CDK13: variants seen among roughly 807,000 people sequenced by gnomAD.
The protein encoded by CDK13 is cyclin dependent kinase 13.
A neutral mutation model predicts 137.6 loss-of-function variants in CDK13; 40 were observed. That is an observed-to-expected ratio of 0.29 (90% CI 0.23 to 0.38). The LOEUF (loss-of-function observed/expected upper bound fraction) is 0.38, where lower values mean the gene tolerates loss of function less well. Among genes scored for constraint, CDK13 ranks in the 10% least tolerant of loss-of-function variants. The pLI is 1.00. For missense variants in CDK13, 1,704 were observed against 1,951.8 expected (o/e 0.87, Z 2.39); for synonymous variants, 869 against 760.1 (o/e 1.14, Z -2.36).
At chr7:40,047,215 G>A (rs543593755) in intron 6 of CDK13, among the ~76,000 whole-genome samples, 1 of 152,100 alleles carries the variant, frequency 6.6e-6, no homozygotes, top group African/African-American at 2.4e-5. Context: ...TCTTGGAAGT[G>A]TGTACACACA....
At position 39,992,166 on chromosome 7, in the gene CDK13, GTGTGT is replaced by G. The variant is rs1562716903; in HGVS notation, c.1871+3909_1871+3913del. 2.7e-3 allele frequency among the ~76,000 whole-genome samples: 126 copies of G among 47,178 alleles called. 1 individual carries two copies. The highest frequency in any genetic ancestry group is 6.1e-3 in the Admixed American group (32 of 5,242). 31.0% of individuals were successfully genotyped at this position (47,178 alleles called of 152,430 possible). A position where few individuals can be genotyped will look rare whatever the true frequency, so the allele number is the denominator to read the frequency against. On this transcript the variant is annotated intron_variant, in intron 2 of 13. Coordinates refer to ENST00000181839, the MANE Select transcript of CDK13 (RefSeq NM_003718.5). Reference sequence around the variant, plus strand: ...GTTGTTTAAGAGAACTAATGAGGGTGTGTGTGTGTGTGTGTGTGTGTGTGTGTGTG... The same window carrying G: ...GTTGTTTAAGAGAACTAATGAGGGTGGTGTGTGTGTGTGTGTGTGTGTGTG...
intron 7 of CDK13, among the ~76,000 whole-genome samples, chr7:40,054,991 G>A (rs1019739302): frequency 6.6e-6 from 1 of 152,020 alleles, no homozygotes; most frequent in African/African-American, 2.4e-5. Context: ...GTCCAGCCTG[G>A]GCAACATAGT....
At chr7:40,041,686 C>T (rs1212562660) in intron 5 of CDK13, among the ~76,000 whole-genome samples, 1 of 152,168 alleles carries the variant, frequency 6.6e-6, no homozygotes, top group East Asian at 1.9e-4. Flanking sequence ...TAAATAACAG[C>T]AGAGATAGCG....
intron 2 of CDK13, among the ~76,000 whole-genome samples, chr7:39,988,911 G>A (rs963391461): frequency 1.3e-5 from 2 of 151,248 alleles, no homozygotes; most frequent in Non-Finnish European, 2.9e-5. Context: ...GTGAAACCCC[G>A]TCTCTACTAA....
At chr7:40,056,497 A>T (rs529836976) in intron 7 of CDK13, among the ~76,000 whole-genome samples, 1 of 152,340 alleles carries the variant, frequency 6.6e-6, no homozygotes, top group African/African-American at 2.4e-5. Context: ...TGTGATTGGA[A>T]CAAAAACCAA....
intron 1 of CDK13, among the ~76,000 whole-genome samples, chr7:39,961,519 A>C (rs1783724106): frequency 6.6e-6 from 1 of 151,886 alleles, no homozygotes; most frequent in South Asian, 2.1e-4. Context: ...TCTCCCCTAG[A>C]CCCTGGTAAC....
chr7:39,961,006 T>C (rs1382275304), intron 1 of CDK13, among the ~76,000 whole-genome samples: 1 of 151,840 alleles, frequency 6.6e-6, no homozygotes, highest in Non-Finnish European at 1.5e-5. Flanking sequence ...GGTGAAAACA[T>C]TTTTAAAATA....
intron 7 of CDK13, among the ~76,000 whole-genome samples, chr7:40,054,374 G>A (rs6462960): frequency 0.11 from 17,017 of 151,740 alleles, 3,134 homozygotes; most frequent in African/African-American, 0.38. Flanking sequence ...TATTTTGATA[G>A]CAACAAATAT....
chr7:39,966,205 C>T (rs1176206517), intron 1 of CDK13, among the ~76,000 whole-genome samples: 1 of 152,204 alleles, frequency 6.6e-6, no homozygotes, highest in African/African-American at 2.4e-5. Context: ...TAATATCCTG[C>T]AGAGTGTTTT....
chr7:39,982,162 C>T (rs372975385), intron 1 of CDK13, among the ~76,000 whole-genome samples: 4,062 of 143,530 alleles, frequency 0.028, 99 homozygotes, highest in East Asian at 0.08. Context: ...CTATCCCTCC[C>T]CCCTCCCCCT....
intron 1 of CDK13, chr7:39,986,114 C>T (rs917027679): frequency 1.1e-4 from 16 of 152,338 alleles, no homozygotes; most frequent in Admixed American, 5.2e-4. Flanking sequence ...ATAAGCAACA[C>T]AACTACTAAT....
chr7:40,055,320 C>T (rs183251267), intron 7 of CDK13, among the ~76,000 whole-genome samples: 12 of 151,944 alleles, frequency 7.9e-5, no homozygotes, highest in Admixed American at 5.2e-4. Flanking sequence ...TCTAAGAAGT[C>T]GACTATATGT....
chr7:40,008,465 G>C (rs763995954), intron 5 of CDK13, among the ~76,000 whole-genome samples: 9 of 152,196 alleles, frequency 5.9e-5, no homozygotes, highest in Non-Finnish European at 8.8e-5. Context: ...AACACTGCCA[G>C]AACTGAATCA....
chr7:40,045,155 G>A (rs539515648), intron 5 of CDK13, among the ~76,000 whole-genome samples: 1 of 152,202 alleles, frequency 6.6e-6, no homozygotes, highest in South Asian at 2.1e-4. Flanking sequence ...CAAATGTAAT[G>A]AATTATATTT....
At chr7:40,086,839 G>T (rs1209421144) in intron 11 of CDK13, among the ~76,000 whole-genome samples, 1 of 145,818 alleles carries the variant, frequency 6.9e-6, no homozygotes, top group African/African-American at 2.5e-5. Context: ...TTGAGATAGG[G>T]TCTGGCTCTG....
At chr7:40,013,233 A>G (rs1437253496) in intron 5 of CDK13, among the ~76,000 whole-genome samples, 1 of 150,874 alleles carries the variant, frequency 6.6e-6, no homozygotes, top group Non-Finnish European at 1.5e-5. Context: ...AGAAAGTAGA[A>G]TGATGGTTAC....
intron 5 of CDK13, among the ~76,000 whole-genome samples, chr7:40,022,130 A>G (rs1209035969): frequency 6.6e-6 from 1 of 152,220 alleles, no homozygotes; most frequent in Non-Finnish European, 1.5e-5. Context: ...AGTTTTCAGC[A>G]TTCGAAGGTT....
Position 39,951,864 on chromosome 7 carries a change from C to A in CDK13, c.1211+12C>A. On this transcript the variant is annotated intron_variant, in intron 1 of 13. Transcript: ENST00000181839. ...AGCCCTGTGCTCAGGTGAGTTCTGC[C>A]GTTCTGCCTGTGTGTGCCTTGGCTG... 1 of 1,353,654 alleles carries A rather than the reference C, an allele frequency of 7.4e-7. No homozygotes were observed. Among genetic ancestry groups the A allele is most frequent in the South Asian group, 2.0e-5 (1 of 48,920 alleles). 83.9% of individuals were successfully genotyped at this position (1,353,654 alleles called of 1,614,324 possible).
At chr7:39,979,889 C>A (rs1260970473) in intron 1 of CDK13, among the ~76,000 whole-genome samples, 1 of 151,868 alleles carries the variant, frequency 6.6e-6, no homozygotes, top group Non-Finnish European at 1.5e-5. Context: ...AAGTAGAGGC[C>A]CAGGTGATGT....
Sources: gnomAD v4.1 joint callset for allele counts (sites outside exome capture counted in the v4.1 genomes callset) on GRCh38, gnomAD v4.1.1 for gene constraint, MANE v1.5 for transcripts, NCBI Gene and HGNC (gene_info 2026-07-23, HGNC 2026-07-21) for gene names.